The following PLPPR1 variants were observed in gnomAD, a reference collection of about 807,000 sequenced individuals.
The protein encoded by PLPPR1 is phospholipid phosphatase-related protein type 1.
Under a neutral mutation model 33.1 loss-of-function variants are expected in PLPPR1, and 10 were observed. The observed-to-expected ratio is 0.30, with a 90% CI of 0.19 to 0.51. The LOEUF (loss-of-function observed/expected upper bound fraction) is 0.51, where lower values mean the gene tolerates loss of function less well. PLPPR1 is among the 20% of genes least tolerant of loss of function. The pLI, the probability that PLPPR1 is intolerant of heterozygous loss-of-function variation, is 0.97. For missense variants in PLPPR1, 304 were observed against 408.1 expected, an observed-to-expected ratio of 0.74 and a Z score of 2.20; for synonymous variants, 151 against 151.0, an observed-to-expected ratio of 1.00 and a Z score of 0.00.
chr9:101,254,567 A>G (rs1249163018), intron 2 of PLPPR1, among the ~76,000 whole-genome samples: 2 of 152,112 alleles, frequency 1.3e-5, no homozygotes, highest in African/African-American at 4.8e-5. Context: ...CATAGGGTGA[A>G]TGCTGGCTCT....
chr9:101,065,479 A>G (rs1830399983), intron 1 of PLPPR1, among the ~76,000 whole-genome samples: 2 of 152,108 alleles, frequency 1.3e-5, no homozygotes, highest in South Asian at 2.1e-4. Flanking sequence ...AATATTCTAC[A>G]TAACAAATTC....
At chr9:101,268,087 C>G (rs1456812524) in intron 2 of PLPPR1, among the ~76,000 whole-genome samples, 2 of 151,906 alleles carry the variant, frequency 1.3e-5, no homozygotes, top group Non-Finnish European at 2.9e-5. Context: ...GGGAACATCA[C>G]ACACCGGGGC....
At chr9:101,214,178 A>G (rs923108555) in intron 2 of PLPPR1, among the ~76,000 whole-genome samples, 2 of 152,224 alleles carry the variant, frequency 1.3e-5, no homozygotes, top group African/African-American at 4.8e-5. Flanking sequence ...GGTCAGAAAT[A>G]TTTTTGTTCA....
At chr9:101,276,185 C>G (rs1016329306) in intron 3 of PLPPR1, among the ~76,000 whole-genome samples, 1 of 152,076 alleles carries the variant, frequency 6.6e-6, no homozygotes, top group Non-Finnish European at 1.5e-5. Context: ...TTTTATAATT[C>G]ACATCTTTTT....
chr9:101,131,962 G>A (rs1386378244), intron 1 of PLPPR1, among the ~76,000 whole-genome samples: 2 of 152,208 alleles, frequency 1.3e-5, no homozygotes, highest in Non-Finnish European at 2.9e-5. Flanking sequence ...ACTGATATGA[G>A]TTGAAACAAG....
chr9:101,079,143 G>A (rs1830584780), intron 1 of PLPPR1, among the ~76,000 whole-genome samples: 1 of 152,134 alleles, frequency 6.6e-6, no homozygotes, highest in Non-Finnish European at 1.5e-5. Context: ...CCTCTCAGCA[G>A]TTTCCACTCA....
At chr9:101,117,969 G>T (rs1351302580) in intron 1 of PLPPR1, among the ~76,000 whole-genome samples, 1 of 152,216 alleles carries the variant, frequency 6.6e-6, no homozygotes, top group Non-Finnish European at 1.5e-5. Context: ...TGCTTTGTTG[G>T]ACACTGTCAG....
chr9:101,058,555 G>A (rs550501695), intron 1 of PLPPR1, among the ~76,000 whole-genome samples: 2 of 152,256 alleles, frequency 1.3e-5, no homozygotes, highest in East Asian at 3.9e-4. Flanking sequence ...TGCGTGTTCA[G>A]TCTGAAATAG....
intron 2 of PLPPR1, among the ~76,000 whole-genome samples, chr9:101,223,138 C>A (rs1199871917): frequency 8.6e-6 from 1 of 116,522 alleles, no homozygotes; most frequent in Admixed American, 1.0e-4. Context: ...CAAAGTGAGA[C>A]CCATCTCTAC....
At chr9:101,169,405 G>A (rs1431471) in intron 1 of PLPPR1, among the ~76,000 whole-genome samples, 82,078 of 151,936 alleles carry the variant, frequency 0.54, 22,570 homozygotes, top group African/African-American at 0.62. Context: ...TTTTAAAAAG[G>A]AATTAGGGCA....
intron 1 of PLPPR1, among the ~76,000 whole-genome samples, chr9:101,117,306 C>A (rs1195037521): frequency 2.0e-5 from 3 of 152,146 alleles, no homozygotes; most frequent in Admixed American, 1.3e-4. Flanking sequence ...CAGCCAAAAC[C>A]CACCGAAACC....
intron 3 of PLPPR1, among the ~76,000 whole-genome samples, chr9:101,275,097 C>A (rs752002832): frequency 6.6e-6 from 1 of 152,196 alleles, no homozygotes; most frequent in Non-Finnish European, 1.5e-5. Flanking sequence ...CTTCTTAAAA[C>A]CATTTCCTGT....
chr9:101,253,227 T>C (rs1827742514), intron 2 of PLPPR1, among the ~76,000 whole-genome samples: 1 of 150,564 alleles, frequency 6.6e-6, no homozygotes, highest in African/African-American at 2.4e-5. Flanking sequence ...TCAGGTGTCT[T>C]TTTTTTTTAA....
rs191228979 is a variant in PLPPR1 at position 101,215,737 on chromosome 9, T to A, written c.63+30180T>A. ...CCTCTCACGTATGAGTGAGAACATG[T>A]GATATTTGTCTTTCTGTGCCTGGCT... is the stretch of plus-strand genomic sequence containing the variant. On this transcript the variant is annotated intron_variant, in intron 2 of 7. Transcript: ENST00000374874. 9.9e-5 allele frequency among the ~76,000 whole-genome samples: 15 copies of A among 152,238 alleles called. No homozygotes were observed. The East Asian group carries it at 2.5e-3, about 25-fold the overall frequency.
chr9:101,296,636 G>C (rs1448958761), intron 4 of PLPPR1, among the ~76,000 whole-genome samples: 3 of 152,172 alleles, frequency 2.0e-5, no homozygotes, highest in African/African-American at 7.2e-5. Flanking sequence ...ATGAGTTCAT[G>C]TCCTTTGTAG....
chr9:101,313,541 C>T (rs1282859273), intron 6 of PLPPR1, among the ~76,000 whole-genome samples: 1 of 152,146 alleles, frequency 6.6e-6, no homozygotes, highest in Non-Finnish European at 1.5e-5. Flanking sequence ...AATCTTACTT[C>T]CGCTAAACTG....
rs201250597 is a variant in PLPPR1 at position 101,286,125 on chromosome 9, A to G, written c.274A>G (p.Met92Val). Residue 92 changes from methionine (M) to valine (V), a missense_variant, in exon 4 of 8, where the codon ATG (methionine) becomes GTG (valine). Met to Val is a conservative substitution (Grantham distance 21). Transcript: ENST00000374874. ...CTAGATTTTTATTGGTGAGATATCC[A>G]TGTATTTCATAAAATCAACAAGAGA... ...TAIIFIGEIS[M>V]YFIKSTRESL... The G allele has an allele frequency of 2.0e-5, 32 of 1,612,586 alleles. No individual in the cohort carries two copies. Among genetic ancestry groups the G allele is most frequent in the Non-Finnish European group, 2.4e-5 (28 of 1,178,822 alleles).
chr9:101,290,800 G>A (rs1211335779), intron 4 of PLPPR1, among the ~76,000 whole-genome samples: 2 of 152,054 alleles, frequency 1.3e-5, no homozygotes, highest in Admixed American at 6.5e-5. Flanking sequence ...TTCCTGATCC[G>A]GGAGCCAAGA....
intron 3 of PLPPR1, among the ~76,000 whole-genome samples, chr9:101,277,443 C>A (rs1313457698): frequency 6.6e-6 from 1 of 152,060 alleles, no homozygotes; most frequent in Non-Finnish European, 1.5e-5. Flanking sequence ...AGGGTGAAGG[C>A]CCATGGGATT....
Sources: gnomAD v4.1 joint callset for allele counts (sites outside exome capture counted in the v4.1 genomes callset) on GRCh38, gnomAD v4.1.1 for gene constraint, MANE v1.5 for transcripts, NCBI Gene and HGNC (gene_info 2026-07-23, HGNC 2026-07-21) for gene names.